GGA1: variants seen among roughly 807,000 people sequenced by gnomAD.
GGA1 encodes golgi associated, gamma adaptin ear containing, ARF binding protein 1, also known as ADP-ribosylation factor-binding protein GGA1.
GGA1 carries 18 observed loss-of-function variants against 76.9 expected under a neutral mutation model. The observed-to-expected ratio is 0.23, with a 90% CI of 0.16 to 0.35. GGA1 has a LOEUF of 0.35. Among genes scored for constraint, GGA1 ranks in the 10% least tolerant of loss-of-function variants. The pLI is 1.00. For missense variants in GGA1, 755 were observed against 859.0 expected (o/e 0.88, Z 1.51); for synonymous variants, 342 against 354.7 (o/e 0.96, Z 0.40).
At chr22:37,616,132 G>A (rs1027094774) in intron 2 of GGA1, among the ~76,000 whole-genome samples, 94 of 152,150 alleles carry the variant, frequency 6.2e-4, no homozygotes, top group African/African-American at 2.2e-3. Context: ...ATGAGCCACC[G>A]TGCCCAGCTG....
At position 37,625,882 on chromosome 22, in the gene GGA1, C is replaced by A. The variant is rs147657157; in HGVS notation, c.1026C>A (p.Gly342=). The part of the protein sequence containing the change: ...TTYPAMPTRP[G]EQASPEQPSA... ...ACCCAGCTATGCCCACCCGCCCTGG[C>A]GAGCAGGCCAGCCCTGAGCAGCCCA... Residue 342 remains glycine (G), a synonymous_variant, in exon 11 of 17, where the codon GGC becomes GGA. Transcript: ENST00000343632. This position sits in a 1 kb window ranked among gnomAD's most constrained non-coding sequence, Gnocchi z 4.1. The A allele has an allele frequency of 1.2e-6, 2 of 1,611,040 alleles. No individual in the cohort carries two copies. The highest frequency in any genetic ancestry group is 1.7e-5 in the Admixed American group (1 of 59,942).
chr22:37,613,908 G>A (rs917740347), intron 1 of GGA1: 6 of 417,628 alleles, frequency 1.4e-5, no homozygotes, highest in Admixed American at 3.6e-5. Flanking sequence ...TGGGGCTGGC[G>A]TGATGGGTCC....
chr22:37,608,974 C>T, intron 1 of GGA1, 71 bp downstream of exon 1: 1 of 1,319,044 alleles, frequency 7.6e-7, no homozygotes, highest in Non-Finnish European at 9.7e-7. Context: ...CCCTTCCCGG[C>T]GGGGGCGGGG....
intron 7 of GGA1, among the ~76,000 whole-genome samples, chr22:37,622,344 G>A (rs1384380726): frequency 1.3e-5 from 2 of 151,716 alleles, no homozygotes; most frequent in African/African-American, 4.8e-5. Context: ...GCGTCCCAAA[G>A]TGCTGGGATT....
In GGA1 at chr22:37,624,940, C is replaced by T; in HGVS notation, c.833-29C>T. 1 of 1,555,040 alleles carries T rather than the reference C, an allele frequency of 6.4e-7. No individual in the cohort carries two copies. The highest frequency in any genetic ancestry group is 8.7e-7 in the Non-Finnish European group (1 of 1,149,164). ...CCCAGAGGCCCCCACAGTCCTTCAG[C>T]CTGGCCTCTCCCCTCCTGCCTGTTC... On this transcript the variant is annotated intron_variant, in intron 9 of 16. Transcript: ENST00000343632. This position sits in a 1 kb window ranked among gnomAD's most constrained non-coding sequence, Gnocchi z 4.3.
intron 3 of GGA1, 190 bp downstream of exon 3, chr22:37,617,187 A>G (rs966721848): frequency 1.4e-6 from 2 of 1,452,542 alleles, no homozygotes; most frequent in Non-Finnish European, 1.8e-6. Flanking sequence ...CCACCCCAGC[A>G]TCCATACACG....
chr22:37,608,933 C>T (rs929935368), intron 1 of GGA1, 30 bp downstream of exon 1: 2 of 1,321,706 alleles, frequency 1.5e-6, no homozygotes, highest in African/African-American at 3.1e-5. Context: ...GCGGGCCGGA[C>T]CGGAACCGGA....
At chr22:37,631,329 C>T (rs555257209) in intron 14 of GGA1, among the ~76,000 whole-genome samples, 12 of 152,216 alleles carry the variant, frequency 7.9e-5, no homozygotes, top group African/African-American at 1.2e-4. Context: ...AGCAAGAAGA[C>T]CTCTAGGGAG....
At chr22:37,622,880 C>T (rs972608061) in intron 7 of GGA1, among the ~76,000 whole-genome samples, 1 of 152,218 alleles carries the variant, frequency 6.6e-6, no homozygotes, top group Non-Finnish European at 1.5e-5. Context: ...CTGCCAGGCA[C>T]CGACAGACAC....
intron 11 of GGA1, chr22:37,626,154 G>A (rs1161424560): frequency 2.4e-6 from 1 of 408,544 alleles, no homozygotes. Context: ...GCCAGAGGGT[G>A]AGGCTGGCAA....
Position 37,630,951 on chromosome 22 carries a change from T to A in GGA1, c.1380T>A (p.Asn460Lys). 1 of 1,613,246 alleles carries A rather than the reference T, an allele frequency of 6.2e-7. No individual in the cohort carries two copies. Among genetic ancestry groups the A allele is most frequent in the South Asian group, 1.1e-5 (1 of 91,038 alleles). The change falls in exon 14 of 17, where the codon AAT becomes AAA. Residue 460 changes from asparagine (N) to lysine (K), a missense_variant. By Grantham distance (94) the Asn-to-Lys change is moderately conservative. Transcript: ENST00000343632. The part of the protein sequence containing the change: ...TPRLTLRDLQ[N>K]KSSSCSSPSS... Reference sequence around the variant, plus strand: ...GGCTCACACTCCGGGACCTGCAGAATAAGAGCAGCAGCTGCAGCTCCCCCA... The same window carrying A: ...GGCTCACACTCCGGGACCTGCAGAAAAAGAGCAGCAGCTGCAGCTCCCCCA...
chr22:37,632,434 G>C lies in GGA1; in HGVS notation c.1728G>C (p.Ser576=). 1 of 1,613,372 alleles carries C rather than the reference G, an allele frequency of 6.2e-7. No homozygotes were observed. Residue 576 remains serine (S), a synonymous_variant, in exon 16 of 17, where the codon TCG becomes TCC. Transcript: ENST00000343632. This position sits in a 1 kb window ranked among gnomAD's most constrained non-coding sequence, Gnocchi z 5.1. The stretch of plus-strand genomic sequence containing the variant: ...TGAAGGTGAAGCTGCAGCCACCCTC[G>C]GGCACGGAGCTGCCAGCTTTTAACC... The part of the protein sequence containing the change: ...KVMKVKLQPP[S]GTELPAFNPI...
rs1932052819 is a variant in GGA1, at chr22:37,632,765, G to A, written c.*54G>A. On this transcript the variant is annotated 3_prime_UTR_variant, in exon 17 of 17. Transcript: ENST00000343632. The surrounding 1 kb of genome is among the most constrained non-coding windows in gnomAD (Gnocchi z 5.1). ...AGAGGGACCGGTCACTGTCCAGCCTGGAGGGAGGCATTGGTGGCCAAGGAC... is the reference window on the plus strand; with the variant it reads ...AGAGGGACCGGTCACTGTCCAGCCTAGAGGGAGGCATTGGTGGCCAAGGAC... 3 of 1,089,680 alleles carry A rather than the reference G, an allele frequency of 2.8e-6. No homozygotes were observed. Among genetic ancestry groups the A allele is most frequent in the Admixed American group, 2.0e-5 (1 of 50,456 alleles). 67.5% of individuals were successfully genotyped at this position (1,089,680 alleles called of 1,614,324 possible).
chr22:37,631,893 C>T lies in GGA1; in HGVS notation c.1529-103C>T, dbSNP rs559791570. The T allele has an allele frequency of 4.2e-6, 4 of 962,338 alleles. No individual in the cohort carries two copies. In the Admixed American group the frequency reaches 6.6e-5, roughly 16 times the overall value. The allele number at this position is 962,338 out of a possible 1,614,324, so 59.6% of individuals were successfully genotyped here. The stretch of plus-strand genomic sequence containing the variant: ...CCAAAGGAGGACTTTGCTCTTGTTG[C>T]CAGTACAGCAGCCAGCTCCTGAGGC... On this transcript the variant is annotated intron_variant, in intron 14 of 16. Transcript: ENST00000343632.
At position 37,630,938 on chromosome 22, in the gene GGA1, G is replaced by A. The variant is rs138525343; in HGVS notation, c.1367G>A (p.Arg456Gln). The A allele has an allele frequency of 8.0e-5, 129 of 1,612,924 alleles. No homozygotes were observed. Among genetic ancestry groups the A allele is most frequent in the Middle Eastern group, 3.3e-4 (2 of 6,030 alleles). The change falls in exon 14 of 17, where the codon CGG (arginine) becomes CAG (glutamine). Residue 456 changes from arginine (R) to glutamine (Q), a missense_variant. Physicochemically the swap from Arg to Gln is conservative, Grantham distance 43. Transcript: ENST00000343632. The stretch of plus-strand genomic sequence containing the variant: ...CAGCCAACCCCCCGGCTCACACTCC[G>A]GGACCTGCAGAATAAGAGCAGCAGC... Reference protein sequence around the residue: ...KQQPTPRLTLRDLQNKSSSCS... With the variant: ...KQQPTPRLTLQDLQNKSSSCS...
rs73420392 is a variant in GGA1 at position 37,614,356 on chromosome 22, G to A, written c.128+82G>A. ...GGGTACAATGGCCTGGGTGGGTGGA[G>A]ACCCGGTTTTCATTCTGAACGTATT... On this transcript the variant is annotated intron_variant, in intron 2 of 16. Transcript: ENST00000343632. 4.7e-3 allele frequency: 4,528 copies of A among 955,642 alleles called. 114 individuals are homozygous for A. The African/African-American group carries it at 0.057, about 12-fold the overall frequency. The allele number at this position is 955,642 out of a possible 1,614,324, so 59.2% of individuals were successfully genotyped here.
Position 37,632,688 on chromosome 22 carries a change from C to G in GGA1, c.1897C>G (p.Pro633Ala). Reference protein sequence around the residue: ...EMGDVDQFPPPETWGSL With the variant: ...EMGDVDQFPPAETWGSL ...GGGGGATGTGGACCAGTTCCCCCCA[C>G]CTGAAACCTGGGGTAGCCTCTAGAA... Residue 633 changes from proline (P) to alanine (A), a missense_variant, in exon 17 of 17, where the codon CCT (proline) becomes GCT (alanine). Transcript: ENST00000343632. This position sits in a 1 kb window ranked among gnomAD's most constrained non-coding sequence, Gnocchi z 5.1. 6.2e-7 allele frequency: 1 copy of G among 1,605,098 alleles called. No individual in the cohort carries two copies. The highest frequency in any genetic ancestry group is 8.5e-7 in the Non-Finnish European group (1 of 1,173,144).
At chr22:37,619,709 A>G in intron 4 of GGA1, 5 of 707,428 alleles carry the variant, frequency 7.1e-6, no homozygotes, top group Non-Finnish European at 1.3e-5. Flanking sequence ...TTTGAGTGAC[A>G]GCCCACCCCC....
At chr22:37,613,338 T>TGGAAGAGGCAACA in intron 1 of GGA1, 1 of 175,756 alleles carries the variant, frequency 5.7e-6, no homozygotes, top group Non-Finnish European at 1.1e-5. Context: ...GTGTGTTGCC[T>TGGAAGAGGCAACA]CTTCCAGGCA....
Sources: gnomAD v4.1 joint callset for allele counts (sites outside exome capture counted in the v4.1 genomes callset) on GRCh38, gnomAD v4.1.1 for gene constraint, Gnocchi (gnomAD v3.1) non-coding constraint, MANE v1.5 for transcripts, NCBI Gene and HGNC (gene_info 2026-07-23, HGNC 2026-07-21) for gene names.